WDR25: variants seen among roughly 807,000 people sequenced by gnomAD.
WDR25 encodes WD repeat-containing protein 25.
Under a neutral mutation model 47.7 loss-of-function variants are expected in WDR25, and 35 were observed. That is an observed-to-expected ratio of 0.73 (90% CI 0.56 to 0.97). The LOEUF is 0.97. WDR25 is among the 50% of genes least tolerant of loss of function. The pLI is 0.00. For missense variants in WDR25, 634 were observed against 704.7 expected, an observed-to-expected ratio of 0.90 and a Z score of 1.14; for synonymous variants, 248 against 278.9, an observed-to-expected ratio of 0.89 and a Z score of 1.10.
At position 100,449,705 on chromosome 14, in the gene WDR25, T is replaced by C. The variant is rs1420863080; in HGVS notation, c.823-18316T>C. ...GCATCCCTGAGTCCCTGCACGTGCATGAAGCAGACAGAGTGATTTTAACGC... is the reference window on the plus strand; with the variant it reads ...GCATCCCTGAGTCCCTGCACGTGCACGAAGCAGACAGAGTGATTTTAACGC... On this transcript the variant is annotated intron_variant, in intron 2 of 6. Transcript: ENST00000402312. This position sits in a 1 kb window ranked among gnomAD's most constrained non-coding sequence, Gnocchi z 4.2. Among the ~76,000 whole-genome samples, 1 of 152,178 alleles carries C rather than the reference T, an allele frequency of 6.6e-6. No homozygotes were observed. The highest frequency in any genetic ancestry group is 6.5e-5 in the Admixed American group (1 of 15,272).
intron 4 of WDR25, among the ~76,000 whole-genome samples, chr14:100,508,085 A>C (rs1461663886): frequency 3.3e-5 from 5 of 152,192 alleles, no homozygotes; most frequent in Admixed American, 3.3e-4. Flanking sequence ...ATGATCAAGT[A>C]GGCTTCATTC....
In WDR25 at chr14:100,503,339, G is replaced by A. The variant is rs554672551; in HGVS notation, c.1101+19215G>A. Among the ~76,000 whole-genome samples, 98 of 152,148 alleles carry A rather than the reference G, an allele frequency of 6.4e-4. 5 individuals are homozygous for A. In the South Asian group the frequency reaches 0.018, roughly 28 times the overall value. On this transcript the variant is annotated intron_variant, in intron 4 of 6. Coordinates refer to ENST00000402312, the MANE Select transcript of WDR25 (RefSeq NM_001161476.3). ...GAAAGGTGTCCTCCCCCTGCCCCCC[G>A]CATGTGGTTATTAAAGCGCGCCATC...
At chr14:100,527,064 G>GTA (rs2030207077) in intron 5 of WDR25, among the ~76,000 whole-genome samples, 1 of 131,408 alleles carries the variant, frequency 7.6e-6, no homozygotes, top group Non-Finnish European at 1.6e-5. Context: ...CACCATCTCC[G>GTA]TCACTACCAC....
chr14:100,486,790 G>T (rs1019711140), intron 4 of WDR25, among the ~76,000 whole-genome samples: 2 of 152,196 alleles, frequency 1.3e-5, no homozygotes, highest in Non-Finnish European at 2.9e-5. Flanking sequence ...AATCGCAGGT[G>T]TAAGTAGGAG....
intron 2 of WDR25, among the ~76,000 whole-genome samples, chr14:100,447,691 G>T (rs536207159): frequency 3.3e-5 from 5 of 152,156 alleles, no homozygotes; most frequent in Non-Finnish European, 2.9e-5. Context: ...ACACTTCTGT[G>T]GCCTAATGAT....
intron 2 of WDR25, among the ~76,000 whole-genome samples, chr14:100,390,898 A>G (rs1479565797): frequency 3.9e-5 from 6 of 152,168 alleles, no homozygotes; most frequent in Non-Finnish European, 8.8e-5. Context: ...TTGAGAACCA[A>G]GTGAGTTCAT....
At chr14:100,455,772 T>C (rs1168908463) in intron 2 of WDR25, among the ~76,000 whole-genome samples, 1 of 152,188 alleles carries the variant, frequency 6.6e-6, no homozygotes, top group Admixed American at 6.5e-5. Context: ...AAACTAAAAA[T>C]GGTATCTTTA....
intron 2 of WDR25, among the ~76,000 whole-genome samples, chr14:100,463,229 T>A (rs1899487857): frequency 6.6e-6 from 1 of 152,086 alleles, no homozygotes; most frequent in African/African-American, 2.4e-5. Flanking sequence ...AATTTAACTT[T>A]TTATTTTAAA....
At chr14:100,391,453 T>C (rs938061099) in intron 2 of WDR25, among the ~76,000 whole-genome samples, 2 of 152,224 alleles carry the variant, frequency 1.3e-5, no homozygotes, top group Non-Finnish European at 2.9e-5. Context: ...AATGACCTTC[T>C]TCCCATCCGG....
intron 2 of WDR25, among the ~76,000 whole-genome samples, chr14:100,401,725 C>T (rs1336604008): frequency 1.3e-5 from 2 of 152,194 alleles, no homozygotes; most frequent in Admixed American, 1.3e-4. Context: ...TGGAAAAGTA[C>T]CAGAGAGCCT....
intron 2 of WDR25, among the ~76,000 whole-genome samples, chr14:100,400,714 C>T (rs1421075890): frequency 3.3e-5 from 5 of 152,208 alleles, no homozygotes; most frequent in African/African-American, 1.2e-4. Context: ...TCTTTCTGCA[C>T]TGGGGTCTTT....
intron 2 of WDR25, among the ~76,000 whole-genome samples, chr14:100,394,439 C>G (rs540287121): frequency 6.6e-6 from 1 of 152,174 alleles, no homozygotes; most frequent in Non-Finnish European, 1.5e-5. Flanking sequence ...CTGCTGTGAG[C>G]AGAGAAAGCA....
intron 2 of WDR25, among the ~76,000 whole-genome samples, chr14:100,393,938 A>G (rs1897198823): frequency 6.6e-6 from 1 of 152,178 alleles, no homozygotes; most frequent in African/African-American, 2.4e-5. Flanking sequence ...GCGTATTCAA[A>G]AGAGAGTCAG....
intron 2 of WDR25, among the ~76,000 whole-genome samples, chr14:100,443,226 A>G (rs1898723036): frequency 6.6e-6 from 1 of 152,256 alleles, no homozygotes; most frequent in Non-Finnish European, 1.5e-5. Flanking sequence ...GGTTTGTAAT[A>G]CGTGGCAGCT....
chr14:100,386,920 G>A (rs114727238), intron 2 of WDR25, among the ~76,000 whole-genome samples: 1 of 152,022 alleles, frequency 6.6e-6, no homozygotes, highest in Non-Finnish European at 1.5e-5. Flanking sequence ...GATGGGCTTT[G>A]ATTTACACCC....
chr14:100,417,403 A>C (rs1376912370), intron 2 of WDR25, among the ~76,000 whole-genome samples: 3 of 152,188 alleles, frequency 2.0e-5, no homozygotes, highest in Non-Finnish European at 4.4e-5. Flanking sequence ...TGGTCAGGCG[A>C]GGGTGCAGGG....
At chr14:100,431,150 G>A (rs1036875694) in intron 2 of WDR25, among the ~76,000 whole-genome samples, 5 of 152,198 alleles carry the variant, frequency 3.3e-5, no homozygotes, top group African/African-American at 1.2e-4. Context: ...ATTAATGGAT[G>A]ACATTAAAAT....
At chr14:100,433,776 C>G (rs1219244440) in intron 2 of WDR25, among the ~76,000 whole-genome samples, 1 of 152,120 alleles carries the variant, frequency 6.6e-6, no homozygotes, top group Non-Finnish European at 1.5e-5. Context: ...AGAGAAATCT[C>G]TTCACGCTAG....
rs574015366 is a variant in WDR25, at chr14:100,397,339, T to G, written c.822+15593T>G. Among the ~76,000 whole-genome samples, 7 of 152,374 alleles carry G rather than the reference T, an allele frequency of 4.6e-5. No individual in the cohort carries two copies. The South Asian group carries it at 1.2e-3, about 27-fold the overall frequency. ...TTTTAAAAGGGCTTACTTCCTTCACTTCTTACAAATGGACTCTTTTTGGCC... is the reference window on the plus strand; with the variant it reads ...TTTTAAAAGGGCTTACTTCCTTCACGTCTTACAAATGGACTCTTTTTGGCC... On this transcript the variant is annotated intron_variant, in intron 2 of 6. Coordinates refer to ENST00000402312, the MANE Select transcript of WDR25 (RefSeq NM_001161476.3).
Sources: gnomAD v4.1 joint callset for allele counts (sites outside exome capture counted in the v4.1 genomes callset) on GRCh38, gnomAD v4.1.1 for gene constraint, Gnocchi (gnomAD v3.1) non-coding constraint, MANE v1.5 for transcripts, NCBI Gene and HGNC (gene_info 2026-07-23, HGNC 2026-07-21) for gene names.